TLE4: variants seen among roughly 807,000 people sequenced by gnomAD.
The protein encoded by TLE4 is TLE family member 4, transcriptional corepressor, also known as transducin-like enhancer protein 4.
TLE4 carries 8 observed loss-of-function variants against 92.8 expected under a neutral mutation model. The observed-to-expected ratio is 0.09, with a 90% CI of 0.05 to 0.16. The LOEUF (loss-of-function observed/expected upper bound fraction) is 0.16. Among genes scored for constraint, TLE4 ranks in the 10% least tolerant of loss-of-function variants. TLE4 has a pLI of 1.00. For missense variants in TLE4, 675 were observed against 997.6 expected (o/e 0.68, Z 4.36); for synonymous variants, 371 against 374.1 (o/e 0.99, Z 0.10).
At chr9:79,623,108 A>G (rs1178122417) in intron 5 of TLE4, among the ~76,000 whole-genome samples, 2 of 152,146 alleles carry the variant, frequency 1.3e-5, no homozygotes, top group South Asian at 2.1e-4. Flanking sequence ...TACTGAACCT[A>G]CAGGTACCCA....
intron 6 of TLE4, among the ~76,000 whole-genome samples, chr9:79,629,205 A>AT (rs1275212084): frequency 1.3e-5 from 2 of 152,002 alleles, no homozygotes; most frequent in African/African-American, 4.8e-5. Flanking sequence ...ATGGATTATT[A>AT]TTATTTTTTT....
intron 8 of TLE4, among the ~76,000 whole-genome samples, chr9:79,684,983 C>T (rs746223540): frequency 6.6e-6 from 1 of 152,168 alleles, no homozygotes; most frequent in Non-Finnish European, 1.5e-5. Context: ...TGTAGCCTGG[C>T]ACATGCGTCA....
chr9:79,684,581 C>T (rs76379112), intron 8 of TLE4, among the ~76,000 whole-genome samples: 3,413 of 152,264 alleles, frequency 0.022, 130 homozygotes, highest in African/African-American at 0.077. Flanking sequence ...CATCCCAAAA[C>T]CAAACCACTA....
chr9:79,620,527 C>T (rs936606476), intron 5 of TLE4, among the ~76,000 whole-genome samples: 1 of 152,164 alleles, frequency 6.6e-6, no homozygotes, highest in Non-Finnish European at 1.5e-5. Context: ...TCCCATGTTC[C>T]ACAGCTAAAA....
chr9:79,726,159 A>T lies in TLE4; in HGVS notation c.*1015A>T, dbSNP rs781553846. Reference sequence around the variant, plus strand: ...TTGCAGAGACCTCCCTCTGAAAAACACAAAGAATGGACTCTCTCCTGGGAT... The same window carrying T: ...TTGCAGAGACCTCCCTCTGAAAAACTCAAAGAATGGACTCTCTCCTGGGAT... On this transcript the variant is annotated 3_prime_UTR_variant, in exon 20 of 20. Coordinates refer to ENST00000376552, the MANE Select transcript of TLE4 (RefSeq NM_007005.6). 6.5e-6 allele frequency: 1 copy of T among 152,672 alleles called. No individual in the cohort carries two copies. The highest frequency in any genetic ancestry group is 1.5e-5 in the Non-Finnish European group (1 of 68,050). 9.5% of individuals were successfully genotyped at this position (152,672 alleles called of 1,614,324 possible).
At chr9:79,681,926 G>A (rs1241495157) in intron 8 of TLE4, among the ~76,000 whole-genome samples, 1 of 151,394 alleles carries the variant, frequency 6.6e-6, no homozygotes, top group East Asian at 1.9e-4. Flanking sequence ...TTTTTTTAAT[G>A]ACTCTTGGAT....
chr9:79,640,232 G>T (rs1373193222), intron 6 of TLE4, among the ~76,000 whole-genome samples: 1 of 152,096 alleles, frequency 6.6e-6, no homozygotes, highest in Non-Finnish European at 1.5e-5. Context: ...AAATGATGTA[G>T]TCAAGGTGTA....
intron 4 of TLE4, among the ~76,000 whole-genome samples, chr9:79,592,215 C>G (rs1587809327): frequency 2.4e-5 from 3 of 127,202 alleles, no homozygotes; most frequent in Non-Finnish European, 4.8e-5. Flanking sequence ...TCTTCTTCTT[C>G]CTCTTCTTCT....
intron 13 of TLE4, among the ~76,000 whole-genome samples, chr9:79,709,001 T>C (rs946721068): frequency 9.2e-5 from 14 of 152,096 alleles, no homozygotes; most frequent in South Asian, 2.1e-4. Flanking sequence ...CCAGCTAATT[T>C]TTAAAATTTT....
chr9:79,668,924 A>G (rs2061825914), intron 8 of TLE4: 2 of 733,102 alleles, frequency 2.7e-6, no homozygotes, highest in Non-Finnish European at 3.3e-6. Context: ...CATTTTATTC[A>G]TGAGGAATTA....
chr9:79,598,540 G>C (rs2044687901), intron 4 of TLE4, among the ~76,000 whole-genome samples: 1 of 152,100 alleles, frequency 6.6e-6, no homozygotes, highest in South Asian at 2.1e-4. Context: ...CCTCTAAAAA[G>C]CATTTAAAAA....
At position 79,573,712 on chromosome 9, in the gene TLE4, C is replaced by G; in HGVS notation, c.69C>G (p.Pro23=). Residue 23 remains proline, a synonymous_variant, in exon 2 of 20, where the codon CCC becomes CCG. Coordinates refer to ENST00000376552, the MANE Select transcript of TLE4 (RefSeq NM_007005.6). ...RHPAPHQPAQ[P]FKFTISESCD... is the part of the protein sequence containing the mutation. ...AGGCACCGCATCAGCCTGCTCAACC[C>G]TTTAAATTTACAATTTCCGAATCCT... The G allele has an allele frequency of 1.2e-6, 2 of 1,607,002 alleles. No individual in the cohort carries two copies. The highest frequency in any genetic ancestry group is 1.7e-6 in the Non-Finnish European group (2 of 1,174,830).
At chr9:79,703,803 G>A (rs1440132682) in intron 8 of TLE4, among the ~76,000 whole-genome samples, 1 of 152,148 alleles carries the variant, frequency 6.6e-6, no homozygotes, top group Non-Finnish European at 1.5e-5. Context: ...TTCTGCAGGT[G>A]GTGTTTTTCC....
At chr9:79,715,909 A>C (rs926898123) in intron 14 of TLE4, among the ~76,000 whole-genome samples, 1 of 152,102 alleles carries the variant, frequency 6.6e-6, no homozygotes, top group African/African-American at 2.4e-5. Flanking sequence ...AGTACAACCT[A>C]CTGTGGCTCC....
At chr9:79,595,346 G>A (rs2043684008) in intron 4 of TLE4, among the ~76,000 whole-genome samples, 1 of 152,130 alleles carries the variant, frequency 6.6e-6, no homozygotes, top group Non-Finnish European at 1.5e-5. Context: ...CTTAAAGATG[G>A]GTGAATGAGA....
chr9:79,697,908 A>G (rs901327875), intron 8 of TLE4, among the ~76,000 whole-genome samples: 4 of 152,194 alleles, frequency 2.6e-5, no homozygotes, highest in African/African-American at 9.6e-5. Flanking sequence ...TTCATTCTTC[A>G]AGGTGTGTAT....
At chr9:79,621,204 A>AT (rs985217041) in intron 5 of TLE4, among the ~76,000 whole-genome samples, 2 of 152,200 alleles carry the variant, frequency 1.3e-5, no homozygotes, top group South Asian at 4.1e-4. Context: ...TTTTAGTGGG[A>AT]TTTTTTATCC....
chr9:79,678,417 T>C (rs1276977317), intron 8 of TLE4, among the ~76,000 whole-genome samples: 1 of 152,106 alleles, frequency 6.6e-6, no homozygotes, highest in Admixed American at 6.6e-5. Flanking sequence ...ACTTCATCTT[T>C]TTTTTTAAAT....
chr9:79,657,650 G>A (rs964988381), intron 8 of TLE4, among the ~76,000 whole-genome samples: 1 of 152,026 alleles, frequency 6.6e-6, no homozygotes, highest in Non-Finnish European at 1.5e-5. Context: ...CTGAAATGAG[G>A]GTAATGATTC....
Sources: gnomAD v4.1 joint callset for allele counts (sites outside exome capture counted in the v4.1 genomes callset) on GRCh38, gnomAD v4.1.1 for gene constraint, MANE v1.5 for transcripts, NCBI Gene and HGNC (gene_info 2026-07-23, HGNC 2026-07-21) for gene names.